INTS4: variants seen among roughly 807,000 people sequenced by gnomAD.
INTS4 encodes MSTP093.
A neutral mutation model predicts 119.5 loss-of-function variants in INTS4; 70 were observed. The ratio of observed to expected loss-of-function variants is 0.59; its 90% confidence interval spans 0.48 to 0.71. The LOEUF (loss-of-function observed/expected upper bound fraction) is 0.71. Among genes scored for constraint, INTS4 ranks in the 30% least tolerant of loss-of-function variants. The pLI, the probability that INTS4 is intolerant of heterozygous loss-of-function variation, is 0.00. For missense variants in INTS4, 867 were observed against 1,173.2 expected (o/e 0.74, Z 3.81); for synonymous variants, 316 against 419.6 (o/e 0.75, Z 3.02).
chr11:77,878,830 G>A lies in INTS4; in HGVS notation c.*119C>T, dbSNP rs956006576. On this transcript the variant is annotated 3_prime_UTR_variant, in exon 23 of 23. Coordinates refer to ENST00000534064, the MANE Select transcript of INTS4 (RefSeq NM_033547.4). ...CCTGTGTTTGATACCAGATGAGACT[G>A]TAAGGGTCACATACTCCTTAAGCCT... 2 of 799,762 alleles carry A rather than the reference G, an allele frequency of 2.5e-6. No individual in the cohort carries two copies. The highest frequency in any genetic ancestry group is 4.4e-6 in the Non-Finnish European group (2 of 450,494). 49.5% of individuals were successfully genotyped at this position (799,762 alleles called of 1,614,324 possible). A position where few individuals can be genotyped will look rare whatever the true frequency, so the allele number is the denominator to read the frequency against.
intron 15 of INTS4, chr11:77,918,416 CAAAAAA>C (rs34005455): frequency 3.8e-4 from 22 of 58,492 alleles, no homozygotes; most frequent in Admixed American, 6.1e-4. Flanking sequence ...GACCCTGTCT[CAAAAAA>C]AAAAAAAAAA....
chr11:77,893,214 T>A (rs1488475645), intron 19 of INTS4, among the ~76,000 whole-genome samples: 1 of 152,242 alleles, frequency 6.6e-6, no homozygotes, highest in Non-Finnish European at 1.5e-5. Flanking sequence ...ACGGATTCAT[T>A]CCATATAAAA....
intron 22 of INTS4, among the ~76,000 whole-genome samples, chr11:77,880,416 G>C (rs907372266): frequency 6.6e-6 from 1 of 152,196 alleles, no homozygotes; most frequent in Admixed American, 6.5e-5. Flanking sequence ...TCTAAGTGCA[G>C]CCTCATCATC....
intron 4 of INTS4, among the ~76,000 whole-genome samples, chr11:77,971,698 TA>T (rs1006475227): frequency 1.3e-5 from 2 of 152,136 alleles, no homozygotes; most frequent in Non-Finnish European, 2.9e-5. Context: ...GATTTACAAA[TA>T]TTTTTTCCCA....
At chr11:77,976,648 T>C (rs1009763427) in intron 4 of INTS4, among the ~76,000 whole-genome samples, 22 of 152,228 alleles carry the variant, frequency 1.4e-4, no homozygotes, top group Admixed American at 3.9e-4. Context: ...GTGGCACTAT[T>C]CACAATAGCA....
intron 3 of INTS4, 73 bp from the exon 4 acceptor site, chr11:77,979,175 A>G: frequency 1.2e-6 from 1 of 851,468 alleles, no homozygotes; most frequent in South Asian, 1.3e-5. Context: ...TTACTTGGGT[A>G]AAGAATGTAG....
At chr11:77,951,626 C>G (rs921329268) in intron 8 of INTS4, among the ~76,000 whole-genome samples, 2 of 152,134 alleles carry the variant, frequency 1.3e-5, no homozygotes, top group Admixed American at 1.3e-4. Context: ...GTCAAAAACA[C>G]CAAAAGCAAT....
chr11:77,907,940 A>G (rs1953000279), intron 15 of INTS4, 130 bp from the exon 16 acceptor site: 2 of 594,610 alleles, frequency 3.4e-6, no homozygotes, highest in Middle Eastern at 4.2e-4. Context: ...ACGACACTGA[A>G]TGCTGGAGTG....
At chr11:77,993,240 G>A (rs1421841312) in intron 1 of INTS4, among the ~76,000 whole-genome samples, 4 of 152,208 alleles carry the variant, frequency 2.6e-5, no homozygotes, top group African/African-American at 4.8e-5. Context: ...GGTAATGACA[G>A]CAGCACTGAA....
intron 10 of INTS4, among the ~76,000 whole-genome samples, chr11:77,929,742 G>A (rs1486518826): frequency 1.3e-5 from 2 of 152,128 alleles, no homozygotes; most frequent in African/African-American, 2.4e-5. Context: ...CTAAGTTGGA[G>A]GGTGATCTTG....
At chr11:77,950,818 C>T (rs1389317603) in intron 8 of INTS4, among the ~76,000 whole-genome samples, 1 of 151,832 alleles carries the variant, frequency 6.6e-6, no homozygotes, top group Non-Finnish European at 1.5e-5. Flanking sequence ...GTGTGCTGTA[C>T]CCATCAACTG....
intron 12 of INTS4, among the ~76,000 whole-genome samples, chr11:77,924,221 C>T (rs1191268806): frequency 7.0e-6 from 1 of 143,392 alleles, no homozygotes; most frequent in Admixed American, 7.0e-5. Flanking sequence ...ATGGTAAAAC[C>T]CCATCTCTAC....
At chr11:77,992,439 A>G (rs1030135263) in intron 1 of INTS4, among the ~76,000 whole-genome samples, 1 of 146,502 alleles carries the variant, frequency 6.8e-6, no homozygotes, top group African/African-American at 2.5e-5. Flanking sequence ...AGTGGCTTAC[A>G]CCTGAAATCC....
At chr11:77,950,666 A>G (rs1400515858) in intron 8 of INTS4, among the ~76,000 whole-genome samples, 1 of 152,206 alleles carries the variant, frequency 6.6e-6, no homozygotes, top group Non-Finnish European at 1.5e-5. Context: ...AATATTCAAC[A>G]TAGATGTGTA....
chr11:77,938,072 C>T (rs1953844370), intron 10 of INTS4, among the ~76,000 whole-genome samples: 1 of 151,828 alleles, frequency 6.6e-6, no homozygotes, highest in Admixed American at 6.6e-5. Context: ...GTCTTGAACT[C>T]CTGGCCTCAA....
chr11:77,975,912 C>G (rs555810444), intron 4 of INTS4, among the ~76,000 whole-genome samples: 3 of 151,196 alleles, frequency 2.0e-5, no homozygotes, highest in Admixed American at 1.3e-4. Flanking sequence ...GCCGAGATCA[C>G]GTCACTGCAC....
intron 14 of INTS4, among the ~76,000 whole-genome samples, chr11:77,920,292 T>TAC (rs1301304824): frequency 3.2e-5 from 4 of 123,518 alleles, no homozygotes; most frequent in Non-Finnish European, 5.2e-5. Flanking sequence ...TATATATATA[T>TAC]ACACACATAT....
chr11:77,899,210 A>T (rs1373350113), intron 18 of INTS4, among the ~76,000 whole-genome samples: 2 of 152,122 alleles, frequency 1.3e-5, no homozygotes, highest in African/African-American at 4.8e-5. Context: ...TCAAGATGTG[A>T]ACCCAAGCAA....
At chr11:77,977,779 A>G (rs920858590) in intron 4 of INTS4, 4 of 151,710 alleles carry the variant, frequency 2.6e-5, no homozygotes. Context: ...TCATTATGAC[A>G]ACTCTCAGAA....
Sources: allele counts gnomAD v4.1 joint callset (sites outside exome capture counted in the v4.1 genomes callset), GRCh38; gene constraint gnomAD v4.1.1; transcripts MANE v1.5; gene names NCBI Gene and HGNC (gene_info 2026-07-23, HGNC 2026-07-21).